Variants in ADAM22 observed in about 807,000 individuals in gnomAD.
ADAM22 encodes disintegrin and metalloproteinase domain-containing protein 22.
A neutral mutation model predicts 144.6 loss-of-function variants in ADAM22; 65 were observed. The ratio of observed to expected loss-of-function variants is 0.45; its 90% CI spans 0.37 to 0.55. The LOEUF is 0.55. Among genes scored for constraint, ADAM22 ranks in the 20% least tolerant of loss-of-function variants. The pLI is 0.00. For synonymous variants in ADAM22, 391 were observed against 412.6 expected (o/e 0.95, Z 0.63); for missense variants, 974 against 1,184.9 (o/e 0.82, Z 2.61).
rs1446309849 is a variant in ADAM22, at chr7:87,949,881, T to C, written c.246+14695T>C. On this transcript the variant is annotated intron_variant, in intron 2 of 31. Transcript: ENST00000413139. ...ATATAGATAATAAAATATGTAAGTT[T>C]ACACGTCTATTATATAAATTATAAC... 2.0e-5 allele frequency among the ~76,000 whole-genome samples: 3 copies of C among 149,612 alleles called. No homozygotes were observed. In the East Asian group the frequency reaches 5.8e-4, roughly 29 times the overall value.
intron 29 of ADAM22, chr7:88,186,360 TG>T (rs1326513190): frequency 4.4e-6 from 2 of 449,842 alleles, no homozygotes. Context: ...TAATTCACTT[TG>T]GGAAGCCACT....
intron 2 of ADAM22, 41 bp downstream of exon 2, chr7:87,935,227 G>A (rs1417717122): frequency 2.0e-6 from 3 of 1,521,302 alleles, no homozygotes; most frequent in South Asian, 1.3e-5. Flanking sequence ...CGCGCCTCCC[G>A]GCCCACCCGA....
At position 88,196,513 on chromosome 7, in the gene ADAM22, A is replaced by G. The variant is rs1052588006; in HGVS notation, c.*22A>G. ...TTAAGATCAACTGTTTACATGTGAT[A>G]CATCGAAAACTGTTTACTTCAACTT... On this transcript the variant is annotated 3_prime_UTR_variant, in exon 32 of 32. Transcript: ENST00000413139. 4 of 1,613,524 alleles carry G rather than the reference A, an allele frequency of 2.5e-6. No individual in the cohort carries two copies. Among genetic ancestry groups the G allele is most frequent in the Non-Finnish European group, 3.4e-6 (4 of 1,179,644 alleles).
chr7:88,075,205 A>G (rs1319454720), intron 3 of ADAM22, among the ~76,000 whole-genome samples: 1 of 152,172 alleles, frequency 6.6e-6, no homozygotes, highest in Non-Finnish European at 1.5e-5. Flanking sequence ...TGTGATGAAA[A>G]CTAACATTTT....
chr7:88,065,804 A>G (rs1440469707), intron 3 of ADAM22, among the ~76,000 whole-genome samples: 3 of 152,258 alleles, frequency 2.0e-5, no homozygotes, highest in East Asian at 1.9e-4. Flanking sequence ...AAATTATTCA[A>G]AATTATTCCT....
intron 30 of ADAM22, among the ~76,000 whole-genome samples, chr7:88,190,276 T>A (rs1849320948): frequency 6.6e-6 from 1 of 152,180 alleles, no homozygotes; most frequent in African/African-American, 2.4e-5. Flanking sequence ...GCCTCATGCC[T>A]ATAATTCCAG....
intron 3 of ADAM22, among the ~76,000 whole-genome samples, chr7:88,018,835 T>G (rs1296616096): frequency 6.6e-6 from 1 of 152,210 alleles, no homozygotes. Context: ...CATGGCAATC[T>G]ATAGGAGGCA....
At chr7:87,946,237 C>T (rs1215365288) in intron 2 of ADAM22, among the ~76,000 whole-genome samples, 1 of 151,900 alleles carries the variant, frequency 6.6e-6, no homozygotes, top group Non-Finnish European at 1.5e-5. Context: ...TTATTTTTTG[C>T]TTGTTGAATT....
intron 11 of ADAM22, 198 bp downstream of exon 11, chr7:88,131,633 TTTA>T (rs1197739555): frequency 7.1e-6 from 4 of 563,994 alleles, no homozygotes; most frequent in South Asian, 2.6e-5. Flanking sequence ...TTTGAGTTAT[TTTA>T]TTATTTAATG....
intron 23 of ADAM22, 54 bp downstream of exon 23, chr7:88,163,234 C>T (rs1842170042): frequency 2.1e-6 from 3 of 1,431,746 alleles, no homozygotes; most frequent in Non-Finnish European, 2.8e-6. Flanking sequence ...CAGAAATAGA[C>T]AGGACCCTAA....
intron 4 of ADAM22, among the ~76,000 whole-genome samples, chr7:88,105,203 C>G (rs1014031526): frequency 6.6e-6 from 1 of 152,158 alleles, no homozygotes; most frequent in African/African-American, 2.4e-5. Context: ...CCATAATTCT[C>G]GAGAATTTTT....
At chr7:88,010,008 C>T (rs971963324) in intron 3 of ADAM22, among the ~76,000 whole-genome samples, 9 of 150,072 alleles carry the variant, frequency 6.0e-5, no homozygotes, top group Non-Finnish European at 8.9e-5. Flanking sequence ...CCATTCCAAC[C>T]CGTTATGGTT....
chr7:88,196,762 C>T lies in ADAM22; in HGVS notation c.*271C>T. 1 of 468,170 alleles carries T rather than the reference C, an allele frequency of 2.1e-6. No homozygotes were observed. The highest frequency in any genetic ancestry group is 3.9e-6 in the Non-Finnish European group (1 of 257,812). The allele number at this position is 468,170 out of a possible 1,614,324, so 29.0% of individuals were successfully genotyped here. ...TACTGGTATGTTAATGGATAATCCG[C>T]ATGACAGATAATATGTAGAAATATT... On this transcript the variant is annotated 3_prime_UTR_variant, in exon 32 of 32. Coordinates refer to ENST00000413139, the MANE Select transcript of ADAM22 (RefSeq NM_001324418.2).
At chr7:88,045,067 G>A (rs1198777837) in intron 3 of ADAM22, among the ~76,000 whole-genome samples, 3 of 150,688 alleles carry the variant, frequency 2.0e-5, no homozygotes, top group Non-Finnish European at 4.4e-5. Flanking sequence ...GCCCAGGCTG[G>A]AGTACAATGG....
intron 7 of ADAM22, among the ~76,000 whole-genome samples, chr7:88,123,330 T>C (rs1829735547): frequency 6.6e-6 from 1 of 152,086 alleles, no homozygotes; most frequent in Admixed American, 6.6e-5. Context: ...AGTGGTATTA[T>C]TTCTTCCTTA....
chr7:87,971,894 A>G (rs1235323382), intron 2 of ADAM22, among the ~76,000 whole-genome samples: 1 of 152,254 alleles, frequency 6.6e-6, no homozygotes, highest in Non-Finnish European at 1.5e-5. Context: ...GATAACCTTA[A>G]GAAGCAACCA....
At chr7:87,953,437 T>A (rs1845770958) in intron 2 of ADAM22, among the ~76,000 whole-genome samples, 1 of 152,336 alleles carries the variant, frequency 6.6e-6, no homozygotes, top group East Asian at 1.9e-4. Context: ...TCAGTTTCCA[T>A]GTAGTTGAGC....
intron 26 of ADAM22, among the ~76,000 whole-genome samples, chr7:88,177,893 T>C (rs1246072324): frequency 1.3e-5 from 2 of 152,218 alleles, no homozygotes; most frequent in Non-Finnish European, 2.9e-5. Context: ...AGAGATTTAA[T>C]TAAGCATAGC....
At chr7:88,048,797 C>G (rs992258675) in intron 3 of ADAM22, among the ~76,000 whole-genome samples, 2 of 151,910 alleles carry the variant, frequency 1.3e-5, no homozygotes, top group African/African-American at 4.8e-5. Context: ...TATCTGTTTC[C>G]AGATTTTATG....
Sources: gnomAD v4.1 joint callset for allele counts (sites outside exome capture counted in the v4.1 genomes callset) on GRCh38, gnomAD v4.1.1 for gene constraint, MANE v1.5 for transcripts, NCBI Gene and HGNC (gene_info 2026-07-23, HGNC 2026-07-21) for gene names.